The following RORA variants were observed in gnomAD, a reference collection of about 807,000 sequenced individuals.
The protein encoded by RORA is nuclear receptor ROR-alpha.
In RORA, 7 loss-of-function variants were observed where a neutral mutation model predicts 69.5. That is an observed-to-expected ratio of 0.10 (90% confidence interval 0.06 to 0.19). RORA has a LOEUF of 0.19. RORA is among the 10% of genes least tolerant of loss of function. The pLI is 1.00. For missense variants in RORA, 457 were observed against 663.0 expected (o/e 0.69, Z 3.41); for synonymous variants, 261 against 240.8 (o/e 1.08, Z -0.78).
intron 3 of RORA, among the ~76,000 whole-genome samples, chr15:60,517,883 T>C (rs2066018719): frequency 6.6e-6 from 1 of 152,232 alleles, no homozygotes; most frequent in South Asian, 2.1e-4. Context: ...TTTCTTTAAG[T>C]GGAGCTAGTA....
chr15:60,693,484 T>C (rs535433883), intron 1 of RORA, among the ~76,000 whole-genome samples: 1 of 152,284 alleles, frequency 6.6e-6, no homozygotes, highest in East Asian at 1.9e-4. Flanking sequence ...AAATATTCTT[T>C]CAAATAGGAA....
rs763872587 is a variant in RORA at position 60,492,889 on chromosome 15, G to A, written c.*4566C>T. The A allele has an allele frequency of 6.6e-6, 1 of 152,072 alleles. No homozygotes were observed. Among genetic ancestry groups the A allele is most frequent in the Admixed American group, 6.6e-5 (1 of 15,262 alleles). The allele number at this position is 152,072 out of a possible 1,614,324, so 9.4% of individuals were successfully genotyped here. On this transcript the variant is annotated 3_prime_UTR_variant, in exon 11 of 11. Transcript: ENST00000335670. ...ACGCAGTTCTATATAGTTCACTTGT[G>A]CCTTGGAGGGATAGTATTATTATCA...
At chr15:60,610,359 C>T (rs1205916117) in intron 2 of RORA, among the ~76,000 whole-genome samples, 1 of 152,170 alleles carries the variant, frequency 6.6e-6, no homozygotes, top group Non-Finnish European at 1.5e-5. Context: ...ACGCAGGTTT[C>T]ATCAAAGCAG....
At chr15:60,935,981 A>C (rs1053843858) in intron 1 of RORA, among the ~76,000 whole-genome samples, 1 of 152,248 alleles carries the variant, frequency 6.6e-6, no homozygotes, top group African/African-American at 2.4e-5. Flanking sequence ...ACTGAGACTG[A>C]CATTGTTGAA....
chr15:60,771,267 A>C (rs1347693076), intron 1 of RORA, among the ~76,000 whole-genome samples: 1 of 152,116 alleles, frequency 6.6e-6, no homozygotes, highest in Non-Finnish European at 1.5e-5. Context: ...TGGATTATTC[A>C]AGACTGCCTC....
intron 1 of RORA, among the ~76,000 whole-genome samples, chr15:61,113,134 C>A (rs1444548098): frequency 6.6e-6 from 1 of 152,176 alleles, no homozygotes; most frequent in African/African-American, 2.4e-5. Context: ...TGGGTTGCCC[C>A]CTGGAATAGG....
intron 1 of RORA, among the ~76,000 whole-genome samples, chr15:60,834,563 C>T (rs2073090450): frequency 1.3e-5 from 2 of 152,182 alleles, no homozygotes; most frequent in South Asian, 2.1e-4. Context: ...TGATATTAAG[C>T]TTAAGACTGC....
intron 1 of RORA, among the ~76,000 whole-genome samples, chr15:61,066,879 C>CAAAAAAAAAAAAAAAAAAAAAAA (rs33936803): frequency 1.4e-5 from 1 of 71,294 alleles, no homozygotes; most frequent in Non-Finnish European, 2.5e-5. Flanking sequence ...TTCATAAGAC[C>CAAAAAAAAAAAAAAAAAAAAAAA]AAAAAAAAAA....
intron 2 of RORA, among the ~76,000 whole-genome samples, chr15:60,642,249 G>A (rs572290343): frequency 2.0e-5 from 3 of 152,152 alleles, no homozygotes; most frequent in East Asian, 3.9e-4. Context: ...AAAAAAAGAA[G>A]AAAATGGGAA....
chr15:60,775,575 C>T (rs929587443), intron 1 of RORA, among the ~76,000 whole-genome samples: 1 of 152,136 alleles, frequency 6.6e-6, no homozygotes, highest in Non-Finnish European at 1.5e-5. Context: ...ATCTCTTTTC[C>T]TTCTTTCCCT....
At chr15:60,734,375 T>G (rs1439062685) in intron 1 of RORA, among the ~76,000 whole-genome samples, 1 of 151,752 alleles carries the variant, frequency 6.6e-6, no homozygotes, top group South Asian at 2.1e-4. Context: ...CATCTGGAGC[T>G]CCACTGAAAA....
chr15:60,549,371 A>G (rs2067164670), intron 2 of RORA, among the ~76,000 whole-genome samples: 1 of 152,140 alleles, frequency 6.6e-6, no homozygotes, highest in South Asian at 2.1e-4. Flanking sequence ...TCCCCCATTC[A>G]TTGCCCATGA....
At chr15:60,620,835 G>T (rs2140621442) in intron 2 of RORA, among the ~76,000 whole-genome samples, 1 of 152,244 alleles carries the variant, frequency 6.6e-6, no homozygotes, top group East Asian at 1.9e-4. Context: ...CTGGGGAGAG[G>T]GGGACAGCCC....
intron 1 of RORA, among the ~76,000 whole-genome samples, chr15:60,915,996 G>C (rs1366627210): frequency 6.6e-6 from 1 of 152,224 alleles, no homozygotes; most frequent in African/African-American, 2.4e-5. Context: ...AGACATGGGG[G>C]TGTTTCTTTC....
chr15:60,738,748 C>T (rs947384953), intron 1 of RORA, among the ~76,000 whole-genome samples: 1 of 152,238 alleles, frequency 6.6e-6, no homozygotes, highest in East Asian at 1.9e-4. Flanking sequence ...TCACTGGTGG[C>T]TTACACAGAG....
chr15:60,961,188 G>C (rs1181049356), intron 1 of RORA, among the ~76,000 whole-genome samples: 3 of 152,106 alleles, frequency 2.0e-5, no homozygotes, highest in Non-Finnish European at 4.4e-5. Flanking sequence ...TTCTCATGTT[G>C]TGTCATGCTG....
intron 1 of RORA, among the ~76,000 whole-genome samples, chr15:60,781,526 A>C (rs2072255512): frequency 6.6e-6 from 1 of 152,050 alleles, no homozygotes; most frequent in Non-Finnish European, 1.5e-5. Flanking sequence ...CTGTAACTCC[A>C]AGTCATCTAT....
rs368101124 is a variant in RORA at position 60,960,646 on chromosome 15, T to C, written c.166+268407A>G. 3.9e-5 allele frequency among the ~76,000 whole-genome samples: 6 copies of C among 152,032 alleles called. No homozygotes were observed. The South Asian group carries it at 6.2e-4, about 16-fold the overall frequency. On this transcript the variant is annotated intron_variant, in intron 1 of 10. Transcript: ENST00000335670. ...GTTACACTTTGGCACACAAATCTTTTTTTTTTTTTTTTCTAAAAACAGTTT... is the reference window on the plus strand; with the variant it reads ...GTTACACTTTGGCACACAAATCTTTCTTTTTTTTTTTTCTAAAAACAGTTT...
intron 2 of RORA, among the ~76,000 whole-genome samples, chr15:60,631,111 A>G (rs181407629): frequency 3.4e-3 from 519 of 152,194 alleles, no homozygotes; most frequent in Non-Finnish European, 5.7e-3. Context: ...GATGGTCTCT[A>G]TCTCCTGACC....
Sources: allele counts gnomAD v4.1 joint callset (sites outside exome capture counted in the v4.1 genomes callset), GRCh38; gene constraint gnomAD v4.1.1; transcripts MANE v1.5; gene names NCBI Gene and HGNC (gene_info 2026-07-23, HGNC 2026-07-21).